The following POMT1 variants were observed in gnomAD, a reference collection of about 807,000 sequenced individuals.
POMT1 encodes the protein protein O-mannosyl-transferase 1.
Under a neutral mutation model 101.6 loss-of-function variants are expected in POMT1, and 85 were observed. The ratio of observed to expected loss-of-function variants is 0.84; its 90% CI spans 0.70 to 1.00. POMT1 has a LOEUF of 1.00. POMT1 is among the 50% of genes least tolerant of loss of function. POMT1 has a pLI of 0.00. For synonymous variants in POMT1, 371 were observed against 383.0 expected, an observed-to-expected ratio of 0.97 and a Z score of 0.37; for missense variants, 857 against 930.4, an observed-to-expected ratio of 0.92 and a Z score of 1.03.
chr9:131,515,439 G>GCC lies in POMT1; in HGVS notation c.1194_1195dup (p.Leu399ProfsTer2). Reference sequence around the variant, plus strand: ...TTGGTTTTCCAGGCATGATGTTGCAGCCCCCCTGAGCCCCCATTCACAGGA... The same window carrying GCC: ...TTGGTTTTCCAGGCATGATGTTGCAGCCCCCCCCTGAGCCCCCATTCACAGGA... On this transcript the variant is annotated frameshift_variant, in exon 13 of 20. Coordinates refer to ENST00000402686, the MANE Select transcript of POMT1 (RefSeq NM_001077365.2). LOFTEE classifies it high-confidence loss of function. The GCC allele has an allele frequency of 6.2e-7, 1 of 1,614,154 alleles. No individual in the cohort carries two copies. Among genetic ancestry groups the GCC allele is most frequent in the Non-Finnish European group, 8.5e-7 (1 of 1,179,990 alleles).
At position 131,523,140 on chromosome 9, in the gene POMT1, G is replaced by T. The variant is rs1220935089; in HGVS notation, c.*34G>T. Reference sequence around the variant, plus strand: ...TGTGGCAAAGAACACCCGTGCTGGGGTCGGGATGAGGTTGAAGGGTCTTGG... The same window carrying T: ...TGTGGCAAAGAACACCCGTGCTGGGTTCGGGATGAGGTTGAAGGGTCTTGG... On this transcript the variant is annotated 3_prime_UTR_variant, in exon 20 of 20. Coordinates refer to ENST00000402686, the MANE Select transcript of POMT1 (RefSeq NM_001077365.2). The T allele has an allele frequency of 5.0e-6, 8 of 1,603,448 alleles. No homozygotes were observed. In the African/African-American group the frequency reaches 5.3e-5, roughly 11 times the overall value.
intron 18 of POMT1, 30 bp downstream of exon 18, chr9:131,521,502 C>T: frequency 6.2e-7 from 1 of 1,609,234 alleles, no homozygotes; most frequent in East Asian, 2.2e-5. Flanking sequence ...GGCTTTCTTT[C>T]TTTTTAATAT....
chr9:131,507,525 C>T lies in POMT1; in HGVS notation c.427+11C>T, dbSNP rs765291250. 8.7e-6 allele frequency: 14 copies of T among 1,613,826 alleles called. No homozygotes were observed. The highest frequency in any genetic ancestry group is 1.7e-4 in the Middle Eastern group (1 of 6,036). On this transcript the variant is annotated intron_variant, in intron 5 of 19. Transcript: ENST00000402686. The stretch of plus-strand genomic sequence containing the variant: ...TGTTGATGCTTATCGGTAAGACCTG[C>T]GCCCCTGCCTGCTCTTGCTGTCATG...
In POMT1 at chr9:131,519,757, G is replaced by A. The variant is rs1399303617; in HGVS notation, c.1584+271G>A. On this transcript the variant is annotated intron_variant, in intron 16 of 19. Transcript: ENST00000402686. The surrounding 1 kb of genome is among the most constrained non-coding windows in gnomAD (Gnocchi z 4.3). ...TCTTAAGGCCCCCAGGCAGCGAAAT[G>A]GGCCACACTCAACAGAGCCCAAGAG... Among the ~76,000 whole-genome samples the A allele has an allele frequency of 1.3e-5, 2 of 152,122 alleles. No homozygotes were observed. The highest frequency in any genetic ancestry group is 2.9e-5 in the Non-Finnish European group (2 of 68,024).
rs1479370970 is a variant in POMT1, at chr9:131,519,007, C to T, written c.1486+50C>T. On this transcript the variant is annotated intron_variant, in intron 15 of 19. Transcript: ENST00000402686. The surrounding 1 kb of genome is among the most constrained non-coding windows in gnomAD (Gnocchi z 4.3). ...CGCTCCTGGAATGTACTTTCAGCTG[C>T]TCAATATTTGATAACACCCCAGAGT... The T allele has an allele frequency of 6.2e-7, 1 of 1,610,450 alleles. No individual in the cohort carries two copies. Among genetic ancestry groups the T allele is most frequent in the Non-Finnish European group, 8.5e-7 (1 of 1,179,880 alleles).
intron 6 of POMT1, among the ~76,000 whole-genome samples, chr9:131,509,398 G>A (rs1481495029): frequency 6.6e-6 from 1 of 152,138 alleles, no homozygotes; most frequent in Non-Finnish European, 1.5e-5. Context: ...TGATCTACCC[G>A]TCTTGGCCTC....
chr9:131,510,021 A>T, intron 8 of POMT1, 25 bp downstream of exon 8: 1 of 1,614,226 alleles, frequency 6.2e-7, no homozygotes. Flanking sequence ...CCAGTGCTGC[A>T]TGAGGCCGGC....
rs772419387 is a variant in POMT1, at chr9:131,519,589, C to T, written c.1584+103C>T. 1.1e-5 allele frequency: 12 copies of T among 1,123,020 alleles called. No homozygotes were observed. Among genetic ancestry groups the T allele is most frequent in the African/African-American group, 6.2e-5 (4 of 64,872 alleles). The allele number at this position is 1,123,020 out of a possible 1,614,324, so 69.6% of individuals were successfully genotyped here. A position where few individuals can be genotyped will look rare whatever the true frequency, so the allele number is the denominator to read the frequency against. On this transcript the variant is annotated intron_variant, in intron 16 of 19. Coordinates refer to ENST00000402686, the MANE Select transcript of POMT1 (RefSeq NM_001077365.2). This position sits in a 1 kb window ranked among gnomAD's most constrained non-coding sequence, Gnocchi z 4.3. ...GACTCAAACCAGAGTCAGGCTTTGA[C>T]GCTGGAGCTACAGGCTCACAACAGA...
At chr9:131,511,944 C>T in intron 10 of POMT1, 97 bp from the exon 11 acceptor site, 1 of 1,287,172 alleles carries the variant, frequency 7.8e-7, no homozygotes. Context: ...CTCCTGGGCT[C>T]AAGCAGTTAT....
intron 17 of POMT1, 123 bp from the exon 18 acceptor site, chr9:131,521,223 G>A: frequency 4.4e-6 from 6 of 1,368,800 alleles, no homozygotes; most frequent in Non-Finnish European, 6.2e-6. Flanking sequence ...ATGCTAGGCT[G>A]TGCCTGGCGT....
At chr9:131,515,350 C>G in intron 12 of POMT1, 76 bp from the exon 13 acceptor site, 1 of 1,467,518 alleles carries the variant, frequency 6.8e-7, no homozygotes, top group East Asian at 2.3e-5. Flanking sequence ...GCAACCTTTT[C>G]CTGCCTGAAA....
Position 131,508,980 on chromosome 9 carries a change from C to T in POMT1, c.497C>T (p.Ala166Val). 6.2e-7 allele frequency: 1 copy of T among 1,613,852 alleles called. No individual in the cohort carries two copies. Among genetic ancestry groups the T allele is most frequent in the Admixed American group, 1.7e-5 (1 of 60,018 alleles). Residue 166 changes from alanine (A) to valine (V), a missense_variant, in exon 6 of 20, where the codon GCC becomes GTC. By Grantham distance (64) the Ala-to-Val change is moderately conservative. Coordinates refer to ENST00000402686, the MANE Select transcript of POMT1 (RefSeq NM_001077365.2). ...ESVLIFFNLL[A>V]VLSYLKFFNC... ...GTGTTAATATTTTTCAATCTATTGGCCGTGTTGTCCTACCTGAAGTTCTTC... is the reference window on the plus strand; with the variant it reads ...GTGTTAATATTTTTCAATCTATTGGTCGTGTTGTCCTACCTGAAGTTCTTC...
At chr9:131,507,893 G>T (rs897468125) in intron 5 of POMT1, among the ~76,000 whole-genome samples, 1 of 152,134 alleles carries the variant, frequency 6.6e-6, no homozygotes, top group Non-Finnish European at 1.5e-5. Context: ...CTTCAGAGAG[G>T]GTCTTCCAGC....
chr9:131,519,265 C>G lies in POMT1; in HGVS notation c.1487-124C>G. On this transcript the variant is annotated intron_variant, in intron 15 of 19. Transcript: ENST00000402686. This position sits in a 1 kb window ranked among gnomAD's most constrained non-coding sequence, Gnocchi z 4.3. ...GTGGGGAAAGCTAAGTGGAATGATG[C>G]GGTTCGATAAGGGGTCTTTGTTAGA... 1.0e-6 allele frequency: 1 copy of G among 998,924 alleles called. No homozygotes were observed. The highest frequency in any genetic ancestry group is 1.5e-6 in the Non-Finnish European group (1 of 656,096). 61.9% of individuals were successfully genotyped at this position (998,924 alleles called of 1,614,324 possible). A position where few individuals can be genotyped will look rare whatever the true frequency, so the allele number is the denominator to read the frequency against.
rs1945113088 is a variant in POMT1 at position 131,503,783 on chromosome 9, G to A, written c.-30-406G>A. ...GGAGGCCCCGAGGCTCGGCCAGGTT[G>A]GGGTCCCTGGGCTGTAAGCAGCTGA... On this transcript the variant is annotated intron_variant, in intron 1 of 19. Transcript: ENST00000402686. This position sits in a 1 kb window ranked among gnomAD's most constrained non-coding sequence, Gnocchi z 4.4. Among the ~76,000 whole-genome samples the A allele has an allele frequency of 6.6e-6, 1 of 152,154 alleles. No homozygotes were observed. Among genetic ancestry groups the A allele is most frequent in the Non-Finnish European group, 1.5e-5 (1 of 68,016 alleles).
At chr9:131,520,227 G>A in intron 17 of POMT1, 34 bp downstream of exon 17, 1 of 1,540,302 alleles carries the variant, frequency 6.5e-7, no homozygotes, top group South Asian at 1.1e-5. Flanking sequence ...GACAGTCATA[G>A]ATTCATCCTG....
At chr9:131,509,712 T>G (rs188545052) in intron 6 of POMT1, 31 bp from the exon 7 acceptor site, 191 of 1,614,266 alleles carry the variant, frequency 1.2e-4, no homozygotes, top group Admixed American at 2.3e-4. Flanking sequence ...CTGAACTATT[T>G]CTGTCTCCAT....
rs2131905242 is a variant in POMT1, at chr9:131,521,453, T to C, written c.1806T>C (p.Asn602=). The C allele has an allele frequency of 6.2e-7, 1 of 1,614,108 alleles. No homozygotes were observed. The highest frequency in any genetic ancestry group is 2.2e-5 in the East Asian group (1 of 44,872). Residue 602 remains asparagine (N), a synonymous_variant, in exon 18 of 20, where the codon AAT becomes AAC. Transcript: ENST00000402686. ...GGTACCTGCTCCGACGGCGAAGAAA[T>C]GTCCATGACCTCCCTCAGGGTTAGT... ...SLWYLLRRRR[N]VHDLPQDAWL... is the part of the protein sequence containing the mutation.
At position 131,522,099 on chromosome 9, in the gene POMT1, AGT is replaced by A; in HGVS notation, c.1880_1881del (p.Val627GlufsTer81). On this transcript the variant is annotated frameshift_variant, in exon 19 of 20. Transcript: ENST00000402686. LOFTEE classifies it high-confidence loss of function. The surrounding 1 kb of genome is among the most constrained non-coding windows in gnomAD (Gnocchi z 5.5). The part of the protein sequence containing the change: ...AGALCAGGWA[V>X]NYLPFFLMEK... Reference sequence around the variant, plus strand: ...GGGCGCTGTGTGCCGGTGGCTGGGCAGTGAACTACCTCCCGTTCTTCCTGATG... The same window carrying A: ...GGGCGCTGTGTGCCGGTGGCTGGGCAGAACTACCTCCCGTTCTTCCTGATG... 6.2e-7 allele frequency: 1 copy of A among 1,614,128 alleles called. No individual in the cohort carries two copies.
Sources: gnomAD v4.1 joint callset for allele counts (sites outside exome capture counted in the v4.1 genomes callset) on GRCh38, gnomAD v4.1.1 for gene constraint, Gnocchi (gnomAD v3.1) non-coding constraint, MANE v1.5 for transcripts, NCBI Gene and HGNC (gene_info 2026-07-23, HGNC 2026-07-21) for gene names.